The following ARHGAP31 variants were observed in gnomAD, a reference collection of about 807,000 sequenced individuals.
The protein encoded by ARHGAP31 is Rho GTPase activating protein 31, also known as rho GTPase-activating protein 31.
Under a neutral mutation model 113.9 loss-of-function variants are expected in ARHGAP31, and 34 were observed. That is an observed-to-expected ratio of 0.30 (90% CI 0.23 to 0.40). The LOEUF is 0.40. ARHGAP31 is among the 10% of genes least tolerant of loss of function. The pLI is 1.00. For synonymous variants in ARHGAP31, 650 were observed against 684.8 expected (o/e 0.95, Z 0.79); for missense variants, 1,548 against 1,767.1 (o/e 0.88, Z 2.22).
chr3:119,361,539 A>G (rs2080206776), intron 1 of ARHGAP31, among the ~76,000 whole-genome samples: 1 of 151,988 alleles, frequency 6.6e-6, no homozygotes, highest in Non-Finnish European at 1.5e-5. Context: ...CCGCCACCAC[A>G]CCTGGCAAAT....
intron 1 of ARHGAP31, among the ~76,000 whole-genome samples, chr3:119,336,916 CTTTT>C (rs1169084415): frequency 1.3e-5 from 2 of 152,196 alleles, no homozygotes; most frequent in South Asian, 4.1e-4. Flanking sequence ...AATCATCTGG[CTTTT>C]TGTTTCTGGC....
chr3:119,401,160 T>C (rs560378618), intron 9 of ARHGAP31, among the ~76,000 whole-genome samples: 6 of 135,186 alleles, frequency 4.4e-5, no homozygotes, highest in Non-Finnish European at 6.3e-5. Flanking sequence ...GACAGAGCTG[T>C]ACTCCATCTC....
chr3:119,358,237 G>A (rs2080175425), intron 1 of ARHGAP31, among the ~76,000 whole-genome samples: 1 of 152,018 alleles, frequency 6.6e-6, no homozygotes, highest in Admixed American at 6.6e-5. Flanking sequence ...ATATACAAAC[G>A]GCCAGTAAGC....
At chr3:119,314,242 A>G (rs1382378399) in intron 1 of ARHGAP31, 4 of 151,938 alleles carry the variant, frequency 2.6e-5, no homozygotes, top group African/African-American at 9.7e-5. Context: ...GCCAACTCCA[A>G]CCCATCTTTT....
At chr3:119,400,115 T>C (rs1441813329) in intron 9 of ARHGAP31, among the ~76,000 whole-genome samples, 3 of 152,228 alleles carry the variant, frequency 2.0e-5, no homozygotes, top group Non-Finnish European at 2.9e-5. Context: ...ACAGAAAATC[T>C]TTAGAACAAC....
intron 1 of ARHGAP31, among the ~76,000 whole-genome samples, chr3:119,333,843 T>G (rs1386619228): frequency 6.6e-6 from 1 of 152,254 alleles, no homozygotes; most frequent in East Asian, 1.9e-4. Flanking sequence ...TTATGACTGC[T>G]ACTTTGTGAG....
intron 8 of ARHGAP31, among the ~76,000 whole-genome samples, chr3:119,394,643 A>G (rs754956575): frequency 6.6e-6 from 1 of 151,960 alleles, no homozygotes; most frequent in Non-Finnish European, 1.5e-5. Context: ...GGATCCTGGA[A>G]AAAAAACCAA....
intron 3 of ARHGAP31, among the ~76,000 whole-genome samples, chr3:119,377,879 C>T (rs1231851184): frequency 1.3e-5 from 2 of 151,716 alleles, no homozygotes; most frequent in Non-Finnish European, 2.9e-5. Context: ...AAAGTTGCAG[C>T]TGGGGTGCAG....
chr3:119,411,891 A>G (rs1169188164), intron 11 of ARHGAP31, among the ~76,000 whole-genome samples: 2 of 152,196 alleles, frequency 1.3e-5, no homozygotes, highest in African/African-American at 4.8e-5. Flanking sequence ...CACAATCCTG[A>G]CCTCAAGAAG....
At chr3:119,307,959 A>AAAAAAAAAAAAAAAAAAAAAAAAAC (rs2079645524) in intron 1 of ARHGAP31, among the ~76,000 whole-genome samples, 1 of 150,356 alleles carries the variant, frequency 6.7e-6, no homozygotes, top group African/African-American at 2.4e-5. Context: ...AAAAAAAAAA[A>AAAAAAAAAAAAAAAAAAAAAAAAAC]AGCTCAATCT....
intron 10 of ARHGAP31, among the ~76,000 whole-genome samples, chr3:119,408,764 A>G (rs945004443): frequency 3.3e-5 from 5 of 152,170 alleles, no homozygotes; most frequent in African/African-American, 1.2e-4. Flanking sequence ...ATGCAAAGAA[A>G]TGGGGCTTTC....
intron 1 of ARHGAP31, among the ~76,000 whole-genome samples, chr3:119,326,993 T>G (rs1160332811): frequency 6.6e-6 from 1 of 151,738 alleles, no homozygotes; most frequent in Non-Finnish European, 1.5e-5. Context: ...CACAAAAAAT[T>G]AGCCAGGCAT....
At chr3:119,357,632 C>T (rs1327952051) in intron 1 of ARHGAP31, among the ~76,000 whole-genome samples, 1 of 152,202 alleles carries the variant, frequency 6.6e-6, no homozygotes, top group Non-Finnish European at 1.5e-5. Flanking sequence ...ATAAAACAAT[C>T]GCTTTGAATC....
chr3:119,317,079 C>T (rs773880502), intron 1 of ARHGAP31, among the ~76,000 whole-genome samples: 17 of 152,188 alleles, frequency 1.1e-4, no homozygotes, highest in South Asian at 2.1e-4. Context: ...AGAACACATA[C>T]GCAAAGCCAT....
rs960726598 is a variant in ARHGAP31, at chr3:119,418,178, G to A, written c.*1914G>A. The A allele has an allele frequency of 6.6e-6, 1 of 152,062 alleles. No individual in the cohort carries two copies. The highest frequency in any genetic ancestry group is 1.5e-5 in the Non-Finnish European group (1 of 68,030). The allele number at this position is 152,062 out of a possible 1,614,324, so 9.4% of individuals were successfully genotyped here. A position where few individuals can be genotyped will look rare whatever the true frequency, so the allele number is the denominator to read the frequency against. On this transcript the variant is annotated 3_prime_UTR_variant, in exon 12 of 12. Transcript: ENST00000264245. Reference sequence around the variant, plus strand: ...AGTCAGCTGATGAGTTCTGCCTTCTGAGAGCACTGAGTGAGCAAGGCCTTT... The same window carrying A: ...AGTCAGCTGATGAGTTCTGCCTTCTAAGAGCACTGAGTGAGCAAGGCCTTT...
At chr3:119,369,466 C>T (rs187610885) in intron 3 of ARHGAP31, among the ~76,000 whole-genome samples, 2 of 152,128 alleles carry the variant, frequency 1.3e-5, no homozygotes, top group Admixed American at 6.5e-5. Flanking sequence ...GAGACTATGG[C>T]GAGGTTACAG....
chr3:119,334,773 A>G (rs571724061), intron 1 of ARHGAP31, among the ~76,000 whole-genome samples: 1 of 152,342 alleles, frequency 6.6e-6, no homozygotes, highest in South Asian at 2.1e-4. Context: ...TGCATTATTC[A>G]TTTAATTCTT....
intron 1 of ARHGAP31, among the ~76,000 whole-genome samples, chr3:119,361,374 C>CTTT (rs555396093): frequency 2.8e-4 from 37 of 132,326 alleles, no homozygotes; most frequent in African/African-American, 7.3e-4. Context: ...TTCAACATTC[C>CTTT]TTTTTTTTTT....
At chr3:119,297,031 C>G (rs2079538652) in intron 1 of ARHGAP31, among the ~76,000 whole-genome samples, 1 of 152,196 alleles carries the variant, frequency 6.6e-6, no homozygotes, top group Non-Finnish European at 1.5e-5. Context: ...ACTGAACATA[C>G]CTGATGAGAG....
Sources: gnomAD v4.1 joint callset for allele counts (sites outside exome capture counted in the v4.1 genomes callset) on GRCh38, gnomAD v4.1.1 for gene constraint, MANE v1.5 for transcripts, NCBI Gene and HGNC (gene_info 2026-07-23, HGNC 2026-07-21) for gene names.